FAAH2: variants seen among roughly 807,000 people sequenced by gnomAD.
FAAH2 encodes fatty-acid amide hydrolase 2.
A neutral mutation model predicts 36.9 loss-of-function variants in FAAH2; 60 were observed. The observed-to-expected ratio is 1.63, with a 90% CI of 1.32 to 2.02. The LOEUF is 2.02. Among genes scored for constraint, FAAH2 ranks in the 30% most tolerant of loss-of-function variants. The pLI is 0.00. For missense variants in FAAH2, 689 were observed against 397.5 expected, an observed-to-expected ratio of 1.73 and a Z score of -6.23; for synonymous variants, 214 against 143.8, an observed-to-expected ratio of 1.49 and a Z score of -3.49.
At chrX:57,461,974 C>A (rs939981857) in intron 10 of FAAH2, among the ~76,000 whole-genome samples, 7 of 110,035 alleles carry the variant, frequency 6.4e-5, no homozygotes, top group Non-Finnish European at 1.3e-4. Flanking sequence ...AATGTCACCA[C>A]TGATCCCACA....
At chrX:57,128,904 G>A in the FAAH2 span, among the ~76,000 whole-genome samples, 1 of 111,588 alleles carries the variant, frequency 9.0e-6, no homozygotes, top group East Asian at 2.8e-4. Context: ...GATAAGTACT[G>A]CAGAGCAAGA....
chrX:57,181,329 T>C, the FAAH2 span, among the ~76,000 whole-genome samples: 3 of 111,796 alleles, frequency 2.7e-5, no homozygotes, highest in African/African-American at 9.7e-5. Flanking sequence ...TGATTCTATA[T>C]CTAGAAAACC....
intron 5 of FAAH2, among the ~76,000 whole-genome samples, chrX:57,349,152 A>ATATG: frequency 1.3e-5 from 1 of 76,168 alleles, no homozygotes; most frequent in Admixed American, 1.7e-4. Flanking sequence ...ATACATATAT[A>ATATG]TGTATAATAT....
chrX:57,235,695 G>A, the FAAH2 span, among the ~76,000 whole-genome samples: 8 of 111,918 alleles, frequency 7.1e-5, no homozygotes, highest in Admixed American at 3.8e-4. Context: ...ATTTTCAAGT[G>A]TTTGTCTTTA....
chrX:57,164,280 C>G, the FAAH2 span, among the ~76,000 whole-genome samples: 4 of 112,132 alleles, frequency 3.6e-5, no homozygotes, highest in Non-Finnish European at 7.5e-5. Flanking sequence ...AAAGTCCTTC[C>G]TGTAGGTGCC....
At chrX:57,271,211 C>T in the FAAH2 span, among the ~76,000 whole-genome samples, 1 of 112,813 alleles carries the variant, frequency 8.9e-6, no homozygotes, top group Non-Finnish European at 1.9e-5. Context: ...GTAAACAAAG[C>T]TTCTGGGAAG....
the FAAH2 span, among the ~76,000 whole-genome samples, chrX:57,186,642 T>G: frequency 8.9e-6 from 1 of 112,001 alleles, no homozygotes; most frequent in African/African-American, 3.2e-5. Context: ...TTGCCTATGT[T>G]TATTTGCTGA....
At chrX:57,162,975 T>C in the FAAH2 span, among the ~76,000 whole-genome samples, 1 of 112,523 alleles carries the variant, frequency 8.9e-6, no homozygotes, top group African/African-American at 3.2e-5. Context: ...TTCTGCTTTT[T>C]CCCCATCTTT....
chrX:57,402,295 T>C (rs2055457891), intron 7 of FAAH2, among the ~76,000 whole-genome samples: 1 of 112,117 alleles, frequency 8.9e-6, no homozygotes, highest in African/African-American at 3.2e-5. Context: ...AGACAATCTT[T>C]TTAAAGTGTC....
At chrX:57,345,213 C>T (rs762495397) in intron 5 of FAAH2, among the ~76,000 whole-genome samples, 143 of 107,577 alleles carry the variant, frequency 1.3e-3, no homozygotes, top group Non-Finnish European at 2.3e-3. Context: ...CCTTCCCTTC[C>T]CTTTCTTTTT....
the FAAH2 span, among the ~76,000 whole-genome samples, chrX:57,225,554 C>T: frequency 9.0e-6 from 1 of 111,502 alleles, no homozygotes; most frequent in Non-Finnish European, 1.9e-5. Flanking sequence ...CATTTTATGG[C>T]CTATCATATG....
intron 4 of FAAH2, among the ~76,000 whole-genome samples, chrX:57,337,355 G>A (rs1454604720): frequency 9.2e-6 from 1 of 109,086 alleles, no homozygotes; most frequent in East Asian, 2.8e-4. Context: ...CATTTCTACT[G>A]AAATTATTCC....
upstream of FAAH2, among the ~76,000 whole-genome samples, chrX:57,285,225 TA>T (rs1293312360): frequency 8.9e-6 from 1 of 111,914 alleles, no homozygotes; most frequent in African/African-American, 3.2e-5. Context: ...ACACTTTCAG[TA>T]TCAACCTAAG....
At chrX:57,379,172 C>T (rs2147213541) in intron 6 of FAAH2, among the ~76,000 whole-genome samples, 1 of 111,477 alleles carries the variant, frequency 9.0e-6, no homozygotes, top group South Asian at 3.8e-4. Flanking sequence ...AAATTGGTTC[C>T]CTAGACAGCT....
chrX:57,470,527 A>AC (rs1443060935), intron 10 of FAAH2, among the ~76,000 whole-genome samples: 1 of 110,807 alleles, frequency 9.0e-6, no homozygotes, highest in African/African-American at 3.3e-5. Context: ...GGACACATAC[A>AC]CCCCCTAAGA....
At chrX:57,208,110 G>A in the FAAH2 span, among the ~76,000 whole-genome samples, 11 of 112,455 alleles carry the variant, frequency 9.8e-5, no homozygotes, top group East Asian at 1.7e-3. Context: ...AACTGAGAGC[G>A]GTCGCTCGAG....
At chrX:57,302,754 C>G (rs1252209100) in intron 2 of FAAH2, among the ~76,000 whole-genome samples, 1 of 111,113 alleles carries the variant, frequency 9.0e-6, no homozygotes, top group Non-Finnish European at 1.9e-5. Flanking sequence ...TTTAAAAACC[C>G]TCTCAGACCT....
At chrX:57,440,219 C>T (rs1003857169) in intron 8 of FAAH2, among the ~76,000 whole-genome samples, 3 of 111,348 alleles carry the variant, frequency 2.7e-5, no homozygotes, top group African/African-American at 9.8e-5. Context: ...AATATTGATT[C>T]TTCCTATCCA....
chrX:57,378,690 G>A lies in FAAH2; in HGVS notation c.782G>A (p.Gly261Glu), dbSNP rs2054752526. 8.3e-7 allele frequency: 1 copy of A among 1,211,072 alleles called. No homozygotes were observed. Among genetic ancestry groups the A allele is most frequent in the South Asian group, 1.8e-5 (1 of 56,981 alleles). ...PNKGQFPLAV[G>E]AQELFLCTGP... is the part of the protein sequence containing the mutation. ...AAAGGTCAGTTTCCCTTGGCTGTGG[G>A]AGCCCAGGAGTTGTTTCTGTGCACT... The change falls in exon 6 of 11, where the codon GGA becomes GAA. Residue 261 changes from glycine to glutamate, a missense_variant. Transcript: ENST00000374900.
Sources: allele counts gnomAD v4.1 joint callset (sites outside exome capture counted in the v4.1 genomes callset), GRCh38; gene constraint gnomAD v4.1.1; transcripts MANE v1.5; gene names NCBI Gene and HGNC (gene_info 2026-07-23, HGNC 2026-07-21).